ROBO2: variants seen among roughly 807,000 people sequenced by gnomAD.
ROBO2 encodes the protein roundabout guidance receptor 2.
In ROBO2, 53 loss-of-function variants were observed where a neutral mutation model predicts 160.8. The observed-to-expected ratio is 0.33, with a 90% confidence interval of 0.26 to 0.41. ROBO2 has a LOEUF of 0.41. Among genes scored for constraint, ROBO2 ranks in the 10% least tolerant of loss-of-function variants. The probability of loss-of-function intolerance (pLI) is 1.00; values close to 1 mark genes in which losing one functional copy is unlikely to be tolerated. For synonymous variants in ROBO2, 664 were observed against 611.7 expected, an observed-to-expected ratio of 1.09 and a Z score of -1.26; for missense variants, 1,577 against 1,722.4, an observed-to-expected ratio of 0.92 and a Z score of 1.49.
chr3:76,185,212 A>ATC, intron 2 of ROBO2, among the ~76,000 whole-genome samples: 1 of 110,752 alleles, frequency 9.0e-6, no homozygotes, highest in Non-Finnish European at 2.0e-5. Context: ...ATATATATAT[A>ATC]TATACACACA....
At chr3:77,188,972 A>T (rs371406607) in intron 2 of ROBO2, among the ~76,000 whole-genome samples, 27 of 123,366 alleles carry the variant, frequency 2.2e-4, no homozygotes, top group Admixed American at 5.7e-4. Flanking sequence ...TGTGTGTGAG[A>T]GAGAGAGAGA....
chr3:76,560,643 A>C (rs995052225), intron 2 of ROBO2, among the ~76,000 whole-genome samples: 1 of 150,462 alleles, frequency 6.6e-6, no homozygotes, highest in African/African-American at 2.4e-5. Flanking sequence ...AAAGAAAAGA[A>C]AACTCACATT....
At chr3:76,127,201 C>T (rs1312683741) in intron 2 of ROBO2, among the ~76,000 whole-genome samples, 1 of 152,116 alleles carries the variant, frequency 6.6e-6, no homozygotes, top group Non-Finnish European at 1.5e-5. Flanking sequence ...CAATTTACAT[C>T]AACCACAATA....
chr3:76,420,224 A>C (rs1333175726), intron 2 of ROBO2, among the ~76,000 whole-genome samples: 3 of 152,092 alleles, frequency 2.0e-5, no homozygotes. Context: ...TATCTTTCCT[A>C]GGCTGATCTT....
intron 2 of ROBO2, among the ~76,000 whole-genome samples, chr3:76,279,502 C>A (rs1003621400): frequency 6.6e-6 from 1 of 151,784 alleles, no homozygotes; most frequent in Non-Finnish European, 1.5e-5. Flanking sequence ...TATAATAGGT[C>A]TTAGAAATAA....
At chr3:76,906,865 A>T (rs2075640641) in intron 2 of ROBO2, among the ~76,000 whole-genome samples, 4 of 152,186 alleles carry the variant, frequency 2.6e-5, no homozygotes, top group African/African-American at 9.7e-5. Flanking sequence ...CTACAAATAT[A>T]TTAAATGACT....
At chr3:76,149,662 T>A (rs1249849167) in intron 2 of ROBO2, among the ~76,000 whole-genome samples, 2 of 128,206 alleles carry the variant, frequency 1.6e-5, no homozygotes, top group African/African-American at 2.6e-5. Context: ...ACACATCATC[T>A]GTCTAAAACA....
intron 2 of ROBO2, among the ~76,000 whole-genome samples, chr3:76,122,039 C>A (rs186789303): frequency 9.8e-5 from 15 of 152,318 alleles, no homozygotes; most frequent in Admixed American, 6.5e-5. Flanking sequence ...AACATGAATG[C>A]ATGGAAAGCC....
chr3:76,714,720 T>C (rs1342336555), intron 2 of ROBO2, among the ~76,000 whole-genome samples: 1 of 152,160 alleles, frequency 6.6e-6, no homozygotes, highest in Non-Finnish European at 1.5e-5. Flanking sequence ...AGGATAAAGA[T>C]ATACATTAAA....
intron 2 of ROBO2, among the ~76,000 whole-genome samples, chr3:76,444,495 C>T (rs773261480): frequency 6.6e-6 from 1 of 152,048 alleles, no homozygotes; most frequent in Non-Finnish European, 1.5e-5. Flanking sequence ...GCTAGGGAGG[C>T]CTCAGGAAAC....
intron 2 of ROBO2, among the ~76,000 whole-genome samples, chr3:76,865,261 A>T (rs2071249038): frequency 6.6e-6 from 1 of 152,126 alleles, no homozygotes; most frequent in African/African-American, 2.4e-5. Flanking sequence ...GTGGCCCAAT[A>T]CTTTTGTAAA....
At chr3:77,305,265 C>A (rs561289459) in intron 2 of ROBO2, among the ~76,000 whole-genome samples, 13 of 152,326 alleles carry the variant, frequency 8.5e-5, no homozygotes, top group African/African-American at 1.9e-4. Context: ...AATTTTTAAA[C>A]ATTGCCTTTG....
chr3:77,316,720 T>C, intron 2 of ROBO2: 2 of 871,384 alleles, frequency 2.3e-6, no homozygotes, highest in South Asian at 1.3e-5. Flanking sequence ...TGCTGCAAAA[T>C]AGTTTAAATT....
intron 2 of ROBO2, among the ~76,000 whole-genome samples, chr3:76,549,183 A>AT (rs1049126023): frequency 1.3e-5 from 2 of 152,084 alleles, no homozygotes; most frequent in African/African-American, 2.4e-5. Context: ...TATAAACACC[A>AT]TTTTTTATTT....
rs913018556 is a variant in ROBO2 at position 76,810,317 on chromosome 3, G to C, written c.110-287697G>C. On this transcript the variant is annotated intron_variant, in intron 2 of 26. Coordinates refer to the ROBO2 transcript ENST00000487694. Reference sequence around the variant, plus strand: ...AATCAGTCAGAGGCACACCCAGTTCGCCAACCCAAACTTTTTGATTATTTA... The same window carrying C: ...AATCAGTCAGAGGCACACCCAGTTCCCCAACCCAAACTTTTTGATTATTTA... 2.6e-5 allele frequency among the ~76,000 whole-genome samples: 4 copies of C among 152,166 alleles called. No homozygotes were observed. In the South Asian group the frequency reaches 6.2e-4, roughly 24 times the overall value.
In ROBO2 at chr3:76,975,676, A is replaced by G. The variant is rs185238688; in HGVS notation, c.110-122338A>G. On this transcript the variant is annotated intron_variant, in intron 2 of 26. Coordinates refer to the ROBO2 transcript ENST00000487694. ...AAGTATAATTCTTCCCCTGAGAAAC[A>G]TAAGTCTTCTAATTTTTATTATTTT... is the stretch of plus-strand genomic sequence containing the variant. Among the ~76,000 whole-genome samples the G allele has an allele frequency of 8.2e-3, 1,250 of 152,296 alleles. 7 individuals carry two copies. Among genetic ancestry groups the G allele is most frequent in the Non-Finnish European group, 0.013 (877 of 68,026 alleles).
chr3:77,155,583 T>C (rs1038577918), intron 2 of ROBO2, among the ~76,000 whole-genome samples: 1 of 152,060 alleles, frequency 6.6e-6, no homozygotes, highest in Non-Finnish European at 1.5e-5. Context: ...CAGGTTTCTA[T>C]GATAAATGTG....
At chr3:77,587,010 G>A (rs1011912031) in intron 16 of ROBO2, among the ~76,000 whole-genome samples, 3 of 151,918 alleles carry the variant, frequency 2.0e-5, no homozygotes, top group African/African-American at 7.2e-5. Context: ...GGAAATGCTA[G>A]CAGCTATAAT....
At chr3:77,471,031 C>G (rs1177068886) in intron 2 of ROBO2, among the ~76,000 whole-genome samples, 1 of 152,096 alleles carries the variant, frequency 6.6e-6, no homozygotes, top group East Asian at 1.9e-4. Context: ...GGATGGTATT[C>G]TTTATTCAAT....
Sources: gnomAD v4.1 joint callset for allele counts (sites outside exome capture counted in the v4.1 genomes callset) on GRCh38, gnomAD v4.1.1 for gene constraint, MANE v1.5 for transcripts, NCBI Gene and HGNC (gene_info 2026-07-23, HGNC 2026-07-21) for gene names.